Variants in KANK1 observed in about 807,000 individuals in gnomAD.
The protein encoded by KANK1 is KN motif and ankyrin repeat domain-containing protein 1.
A neutral mutation model predicts 106.2 loss-of-function variants in KANK1; 109 were observed. The observed-to-expected ratio is 1.03, with a 90% CI of 0.88 to 1.20. The LOEUF (loss-of-function observed/expected upper bound fraction) is 1.20. KANK1 is among the 50% of genes most tolerant of loss of function. The pLI, the probability that KANK1 is intolerant of heterozygous loss-of-function variation, is 0.00. For synonymous variants in KANK1, 873 were observed against 652.2 expected (o/e 1.34, Z -5.16); for missense variants, 2,399 against 1,710.7 (o/e 1.40, Z -7.10).
rs1013688999 is a variant in KANK1, at chr9:593,230, G to A, written c.-83-83660G>A. Among the ~76,000 whole-genome samples, 4 of 151,752 alleles carry A rather than the reference G, an allele frequency of 2.6e-5. 1 individual carries two copies. Among genetic ancestry groups the A allele is most frequent in the East Asian group, 1.9e-4 (1 of 5,188 alleles). ...TTCCAGTTTTTGGTTTGGAAAATAT[G>A]GATTATTATTCTTTTCCTTATTTTA... On this transcript the variant is annotated intron_variant, in intron 1 of 11. Coordinates refer to ENST00000382297, the MANE Select transcript of KANK1 (RefSeq NM_015158.5).
intron 1 of KANK1, among the ~76,000 whole-genome samples, chr9:533,126 A>T (rs1224476257): frequency 6.6e-6 from 1 of 152,166 alleles, no homozygotes; most frequent in Non-Finnish European, 1.5e-5. Flanking sequence ...GTCAGAGGCA[A>T]AGCTGAGTGT....
intron 1 of KANK1, among the ~76,000 whole-genome samples, chr9:513,949 G>A (rs1291466513): frequency 6.6e-6 from 1 of 152,104 alleles, no homozygotes; most frequent in Non-Finnish European, 1.5e-5. Flanking sequence ...CCCAGGAGGT[G>A]GAGGTTGCAG....
At chr9:589,424 A>C (rs1252210717) in intron 1 of KANK1, among the ~76,000 whole-genome samples, 1 of 152,168 alleles carries the variant, frequency 6.6e-6, no homozygotes, top group East Asian at 1.9e-4. Context: ...GCTGGAAAAG[A>C]AGGAGCAAAA....
At chr9:673,838 G>A (rs184356756) in intron 1 of KANK1, 143 of 152,098 alleles carry the variant, frequency 9.4e-4, no homozygotes, top group Admixed American at 1.5e-3. Context: ...AGCCGTTATG[G>A]AGCAAGAGTG....
intron 2 of KANK1, among the ~76,000 whole-genome samples, chr9:710,315 G>T (rs1421070918): frequency 6.6e-6 from 1 of 152,094 alleles, no homozygotes; most frequent in Non-Finnish European, 1.5e-5. Context: ...GTTAAGAGAG[G>T]TTTATTAACT....
chr9:744,515 G>A lies in KANK1; in HGVS notation c.3922G>A (p.Ala1308Thr), dbSNP rs781145505. Residue 1308 changes from alanine to threonine, a missense_variant, in exon 11 of 12, where the codon GCC becomes ACC. Ala to Thr is a moderately conservative substitution (Grantham distance 58). Transcript: ENST00000382297. ...DNDGSTALSI[A>T]LEAGHKDIAV... Reference sequence around the variant, plus strand: ...GGATGGCAGCACTGCGCTCTCAATCGCCCTGGAAGCAGGACACAAGGACAT... The same window carrying A: ...GGATGGCAGCACTGCGCTCTCAATCACCCTGGAAGCAGGACACAAGGACAT... 2.9e-5 allele frequency: 47 copies of A among 1,613,900 alleles called. No individual in the cohort carries two copies. Among genetic ancestry groups the A allele is most frequent in the African/African-American group, 2.1e-4 (16 of 74,900 alleles).
At chr9:664,583 A>T (rs57759425) in intron 1 of KANK1, among the ~76,000 whole-genome samples, 4,525 of 152,190 alleles carry the variant, frequency 0.03, 228 homozygotes, top group African/African-American at 0.1. Flanking sequence ...CCATTGATGG[A>T]CACTTAGGTT....
intron 1 of KANK1, among the ~76,000 whole-genome samples, chr9:505,314 T>A (rs2058701319): frequency 6.6e-6 from 1 of 151,988 alleles, no homozygotes; most frequent in Non-Finnish European, 1.5e-5. Context: ...CTCCGCCAAC[T>A]CCGAGGTGGC....
At chr9:637,222 C>G (rs1351979590) in intron 1 of KANK1, among the ~76,000 whole-genome samples, 1 of 152,196 alleles carries the variant, frequency 6.6e-6, no homozygotes, top group African/African-American at 2.4e-5. Flanking sequence ...TGCCTTCAAA[C>G]ACTACCAAGT....
intron 2 of KANK1, among the ~76,000 whole-genome samples, chr9:691,404 G>GTATA (rs1212322163): frequency 6.7e-6 from 1 of 149,586 alleles, no homozygotes; most frequent in East Asian, 1.9e-4. Flanking sequence ...GTGTGTGTGT[G>GTATA]TATATATATA....
rs550694147 is a variant in KANK1, at chr9:663,216, A to G, written c.-83-13674A>G. On this transcript the variant is annotated intron_variant, in intron 1 of 11. Coordinates refer to ENST00000382297, the MANE Select transcript of KANK1 (RefSeq NM_015158.5). ...AAATAAATGAACAGAAAGCCTTTCA[A>G]ATCGTACTAAACTAACTTATATCTG... Among the ~76,000 whole-genome samples the G allele has an allele frequency of 1.7e-3, 182 of 108,436 alleles. 3 individuals carry two copies. Among genetic ancestry groups the G allele is most frequent in the African/African-American group, 6.0e-3 (172 of 28,744 alleles). The allele number at this position is 108,436 out of a possible 152,430, so 71.1% of individuals were successfully genotyped here. A position where few individuals can be genotyped will look rare whatever the true frequency, so the allele number is the denominator to read the frequency against.
At chr9:587,066 C>T (rs914817236) in intron 1 of KANK1, among the ~76,000 whole-genome samples, 2 of 152,156 alleles carry the variant, frequency 1.3e-5, no homozygotes, top group East Asian at 3.8e-4. Flanking sequence ...TTACTTTCAT[C>T]TTTTGATCAC....
chr9:593,092 C>T (rs925587757), intron 1 of KANK1, among the ~76,000 whole-genome samples: 7 of 151,816 alleles, frequency 4.6e-5, no homozygotes, highest in Middle Eastern at 3.4e-3. Context: ...TAATTCTGGC[C>T]GCCAGTTTTT....
At chr9:597,771 C>G in intron 1 of KANK1, among the ~76,000 whole-genome samples, 1 of 151,546 alleles carries the variant, frequency 6.6e-6, no homozygotes, top group Admixed American at 6.6e-5. Context: ...TCAAGTGATT[C>G]TCCTGCCTCA....
chr9:629,399 C>A (rs1835142086), intron 1 of KANK1, among the ~76,000 whole-genome samples: 1 of 152,114 alleles, frequency 6.6e-6, no homozygotes, highest in Non-Finnish European at 1.5e-5. Context: ...TGCTGGTGCA[C>A]ACATGTGACA....
At chr9:632,680 G>A (rs1836031841) in intron 1 of KANK1, among the ~76,000 whole-genome samples, 2 of 151,964 alleles carry the variant, frequency 1.3e-5, no homozygotes, top group African/African-American at 4.8e-5. Flanking sequence ...TAATGAGAGT[G>A]GTGTTTTGTT....
chr9:618,072 A>G (rs1458923176), intron 1 of KANK1, among the ~76,000 whole-genome samples: 1 of 152,200 alleles, frequency 6.6e-6, no homozygotes, highest in African/African-American at 2.4e-5. Context: ...AGGTTATTTC[A>G]GTAGTACCCA....
chr9:729,135 C>T (rs10815548), intron 3 of KANK1, among the ~76,000 whole-genome samples: 8,185 of 152,202 alleles, frequency 0.054, 547 homozygotes, highest in East Asian at 0.19. Context: ...TTATTTAATC[C>T]AAATTGCTTC....
chr9:647,531 A>C (rs1439557249), intron 1 of KANK1, among the ~76,000 whole-genome samples: 1 of 150,920 alleles, frequency 6.6e-6, no homozygotes, highest in East Asian at 1.9e-4. Flanking sequence ...ATAGTCTTTC[A>C]TCTTACGAAA....
Sources: allele counts gnomAD v4.1 joint callset (sites outside exome capture counted in the v4.1 genomes callset), GRCh38; gene constraint gnomAD v4.1.1; transcripts MANE v1.5; gene names NCBI Gene and HGNC (gene_info 2026-07-23, HGNC 2026-07-21).